PPP1R8: variants seen among roughly 807,000 people sequenced by gnomAD.
PPP1R8 encodes the protein protein phosphatase 1 regulatory subunit 8.
In PPP1R8, 4 loss-of-function variants were observed where a neutral mutation model predicts 31.3. The ratio of observed to expected loss-of-function variants is 0.13; its 90% CI spans 0.06 to 0.29. The LOEUF (loss-of-function observed/expected upper bound fraction) is 0.29. Among genes scored for constraint, PPP1R8 ranks in the 10% least tolerant of loss-of-function variants. The pLI, the probability that PPP1R8 is intolerant of heterozygous loss-of-function variation, is 1.00. For missense variants in PPP1R8, 254 were observed against 440.1 expected (o/e 0.58, Z 3.78); for synonymous variants, 170 against 169.7 (o/e 1.00, Z -0.01).
intron 1 of PPP1R8, 140 bp downstream of exon 1, chr1:27,831,031 A>C (rs1232846785): frequency 6.4e-6 from 9 of 1,402,186 alleles, no homozygotes; most frequent in Non-Finnish European, 7.4e-6. Context: ...TGTTTGCTGC[A>C]CCGGGCCGGG....
intron 6 of PPP1R8, among the ~76,000 whole-genome samples, 173 bp downstream of exon 6, chr1:27,847,265 G>C (rs1284485570): frequency 6.6e-6 from 1 of 152,146 alleles, no homozygotes; most frequent in Non-Finnish European, 1.5e-5. Flanking sequence ...CCAGCACTTT[G>C]GGAGGCCAAG....
At chr1:27,844,659 G>A (rs927043838) in intron 5 of PPP1R8, among the ~76,000 whole-genome samples, 3 of 138,568 alleles carry the variant, frequency 2.2e-5, no homozygotes, top group Admixed American at 1.5e-4. Context: ...GCTCCTGTTT[G>A]TACAACAGCC....
chr1:27,845,630 C>T (rs1188383671), intron 5 of PPP1R8, among the ~76,000 whole-genome samples: 1 of 151,776 alleles, frequency 6.6e-6, no homozygotes, highest in Non-Finnish European at 1.5e-5. Flanking sequence ...AATATAATAC[C>T]AGAGTGTCCT....
At chr1:27,832,010 C>T (rs1259958322) in intron 1 of PPP1R8, among the ~76,000 whole-genome samples, 2 of 152,164 alleles carry the variant, frequency 1.3e-5, no homozygotes, top group Admixed American at 6.5e-5. Context: ...ATTTTGATCC[C>T]TCGCTGTATT....
chr1:27,844,976 G>A (rs1396033118), intron 5 of PPP1R8, among the ~76,000 whole-genome samples: 4 of 124,118 alleles, frequency 3.2e-5, no homozygotes, highest in East Asian at 2.5e-4. Flanking sequence ...CTCGTGATCC[G>A]CCCGCCTCGG....
intron 1 of PPP1R8, chr1:27,831,169 G>A: frequency 1.6e-6 from 2 of 1,220,746 alleles, no homozygotes; most frequent in Non-Finnish European, 2.0e-6. Flanking sequence ...AGCGCTTCGA[G>A]GCCTTGGCCC....
chr1:27,840,737 C>T (rs772893760), intron 3 of PPP1R8, among the ~76,000 whole-genome samples: 6 of 152,046 alleles, frequency 3.9e-5, no homozygotes, highest in Admixed American at 6.6e-5. Flanking sequence ...AGAAACCCAC[C>T]GAGGAGATTC....
chr1:27,840,265 A>G (rs1571550163), intron 3 of PPP1R8, among the ~76,000 whole-genome samples: 1 of 152,270 alleles, frequency 6.6e-6, no homozygotes, highest in East Asian at 1.9e-4. Context: ...TGGGCATATC[A>G]TGTTGGACTC....
At chr1:27,849,519 C>CA (rs1244681759) in intron 6 of PPP1R8, among the ~76,000 whole-genome samples, 6 of 151,874 alleles carry the variant, frequency 4.0e-5, no homozygotes, top group Admixed American at 3.9e-4. Context: ...ATTTTTGAGA[C>CA]AGAGTCTTAC....
At chr1:27,839,628 G>A (rs1359255558) in intron 3 of PPP1R8, among the ~76,000 whole-genome samples, 2 of 152,224 alleles carry the variant, frequency 1.3e-5, no homozygotes, top group Admixed American at 1.3e-4. Context: ...TTCAGCAGAA[G>A]CCATGATTAG....
At chr1:27,836,800 G>C (rs1388609830) in intron 2 of PPP1R8, among the ~76,000 whole-genome samples, 1 of 151,990 alleles carries the variant, frequency 6.6e-6, no homozygotes, top group African/African-American at 2.4e-5. Flanking sequence ...GGGAGGTTGA[G>C]GCTGGCCATT....
At chr1:27,838,939 T>C in intron 3 of PPP1R8, 87 bp downstream of exon 3, 3 of 1,288,310 alleles carry the variant, frequency 2.3e-6, no homozygotes, top group Non-Finnish European at 3.1e-6. Flanking sequence ...TTACGTTTTA[T>C]GGAAAAAGTT....
chr1:27,831,045 CG>C, intron 1 of PPP1R8, 154 bp downstream of exon 1: 1 of 1,390,838 alleles, frequency 7.2e-7, no homozygotes, highest in Non-Finnish European at 9.3e-7. Context: ...GGCCGGGCGA[CG>C]TGTTGAAGAA....
intron 2 of PPP1R8, among the ~76,000 whole-genome samples, chr1:27,836,707 C>T (rs577577926): frequency 7.5e-4 from 114 of 152,208 alleles, no homozygotes; most frequent in African/African-American, 2.6e-3. Flanking sequence ...TTTGAGCCAC[C>T]GCACCCGGCC....
intron 2 of PPP1R8, chr1:27,834,389 T>A (rs1246965022): frequency 1.9e-6 from 1 of 517,218 alleles, no homozygotes; most frequent in South Asian, 1.4e-5. Context: ...TATTTTTAGA[T>A]TTAAACTTGA....
At chr1:27,832,167 A>G (rs184387497) in intron 1 of PPP1R8, among the ~76,000 whole-genome samples, 90 of 152,314 alleles carry the variant, frequency 5.9e-4, no homozygotes, top group Non-Finnish European at 1.0e-3. Flanking sequence ...GCTGTAGGAT[A>G]TAGAGGAAAC....
In PPP1R8 at chr1:27,851,572, A is replaced by T. The variant is rs769897058; in HGVS notation, c.*1126A>T. On this transcript the variant is annotated 3_prime_UTR_variant, in exon 7 of 7. Transcript: ENST00000311772. Reference sequence around the variant, plus strand: ...ATTTGTCTCTCAGTCACTGATTGCCACTGCCATCTGGAAATGTTTGCTAAA... The same window carrying T: ...ATTTGTCTCTCAGTCACTGATTGCCTCTGCCATCTGGAAATGTTTGCTAAA... 2.0e-6 allele frequency: 1 copy of T among 511,334 alleles called. No individual in the cohort carries two copies. The highest frequency in any genetic ancestry group is 1.4e-5 in the South Asian group (1 of 69,638). 31.7% of individuals were successfully genotyped at this position (511,334 alleles called of 1,614,324 possible).
rs927994660 is a variant in PPP1R8, at chr1:27,831,564, T to A, written c.56+673T>A. Among the ~76,000 whole-genome samples, 5 of 152,290 alleles carry A rather than the reference T, an allele frequency of 3.3e-5. No homozygotes were observed. The South Asian group carries it at 8.3e-4, about 25-fold the overall frequency. ...AAGGAAACGCTTCTGAATTAAGAGT[T>A]TTTTTCTGCTGTAGCTCATCGCAGT... On this transcript the variant is annotated intron_variant, in intron 1 of 6. Coordinates refer to ENST00000311772, the MANE Select transcript of PPP1R8 (RefSeq NM_014110.5).
intron 5 of PPP1R8, among the ~76,000 whole-genome samples, chr1:27,845,949 C>G (rs927742119): frequency 6.6e-6 from 1 of 151,648 alleles, no homozygotes; most frequent in African/African-American, 2.4e-5. Flanking sequence ...GCCACCACAC[C>G]CAGCTAATTT....
Sources: allele counts gnomAD v4.1 joint callset (sites outside exome capture counted in the v4.1 genomes callset), GRCh38; gene constraint gnomAD v4.1.1; transcripts MANE v1.5; gene names NCBI Gene and HGNC (gene_info 2026-07-23, HGNC 2026-07-21).